The following KMT2C variants were observed in gnomAD, a reference collection of about 807,000 sequenced individuals.
KMT2C encodes the protein lysine methyltransferase 2C, also known as histone-lysine N-methyltransferase 2C.
In KMT2C, 88 loss-of-function variants were observed where a neutral mutation model predicts 507.9. The observed-to-expected ratio is 0.17, with a 90% CI of 0.15 to 0.21. KMT2C has a LOEUF of 0.21. Among genes scored for constraint, KMT2C ranks in the 10% least tolerant of loss-of-function variants. KMT2C has a pLI of 1.00. For synonymous variants in KMT2C, 2,049 were observed against 2,080.8 expected (o/e 0.98, Z 0.42); for missense variants, 4,954 against 5,957.8 (o/e 0.83, Z 5.55).
At chr7:152,223,352 G>A (rs2094832209) in intron 20 of KMT2C, among the ~76,000 whole-genome samples, 1 of 151,890 alleles carries the variant, frequency 6.6e-6, no homozygotes, top group African/African-American at 2.4e-5. Context: ...AAGAAAAAGT[G>A]GTTTAAGGAG....
At chr7:152,155,863 A>T (rs987153976) in intron 46 of KMT2C, 47 bp downstream of exon 46, 22 of 1,534,392 alleles carry the variant, frequency 1.4e-5, no homozygotes, top group African/African-American at 5.7e-5. Context: ...TATTTTTTTT[A>T]AAAGAAGAAA....
intron 1 of KMT2C, among the ~76,000 whole-genome samples, chr7:152,420,960 G>A (rs2097773938): frequency 6.6e-6 from 1 of 151,612 alleles, no homozygotes; most frequent in Non-Finnish European, 1.5e-5. Context: ...ATGGCACCTT[G>A]TATACATATG....
chr7:152,367,967 G>C, intron 1 of KMT2C: 1 of 920,102 alleles, frequency 1.1e-6, no homozygotes, highest in Admixed American at 2.0e-5. Flanking sequence ...AATGCCAACA[G>C]TTTAAAAAAC....
At position 152,176,247 on chromosome 7, in the gene KMT2C, T is replaced by C; in HGVS notation, c.9206A>G (p.Gln3069Arg). Residue 3069 changes from glutamine to arginine, a missense_variant, in exon 38 of 59, where the codon CAA (glutamine) becomes CGA (arginine). Gln to Arg is a conservative substitution (Grantham distance 43, BLOSUM62 1). Coordinates refer to ENST00000262189, the MANE Select transcript of KMT2C (RefSeq NM_170606.3). ...LDQERQEQQQ[Q>R]RQMQAMIRQR... is the part of the protein sequence containing the mutation. ...ACGAATCATGGCTTGCATCTGTCTT[T>C]GCTGCTGCTGTTCTTGCCTTTCTTG... The C allele has an allele frequency of 6.2e-7, 1 of 1,613,972 alleles. No individual in the cohort carries two copies. The highest frequency in any genetic ancestry group is 8.5e-7 in the Non-Finnish European group (1 of 1,179,916).
chr7:152,146,690 T>G lies in KMT2C; in HGVS notation c.13940A>C (p.Lys4647Thr). ...TGGGAAAAGCTGGAGCATTTCAGAC[T>G]TTTTTCTCACACATGCCACAGGCTC... ...ILEPVACVRK[K>T]SEMLQLFPAY... Residue 4647 changes from lysine to threonine, a missense_variant, in exon 53 of 59, where the codon AAG (lysine) becomes ACG (threonine). Coordinates refer to ENST00000262189, the MANE Select transcript of KMT2C (RefSeq NM_170606.3). 2.5e-6 allele frequency: 4 copies of G among 1,614,064 alleles called. No homozygotes were observed. Among genetic ancestry groups the G allele is most frequent in the Middle Eastern group, 1.6e-4 (1 of 6,062 alleles).
chr7:152,372,567 A>G (rs935646901), intron 1 of KMT2C, among the ~76,000 whole-genome samples: 5 of 152,320 alleles, frequency 3.3e-5, no homozygotes, highest in African/African-American at 1.2e-4. Context: ...TTCCACACAC[A>G]TGTTAACCAA....
At chr7:152,140,744 AAGCACATCCGGG>A (rs1031970604) in intron 55 of KMT2C, among the ~76,000 whole-genome samples, 2 of 152,182 alleles carry the variant, frequency 1.3e-5, no homozygotes, top group Admixed American at 6.5e-5. Context: ...CATCCTCATG[AAGCACATCCGGG>A]AGCACATGGT....
chr7:152,435,032 G>A (rs1261413106), intron 1 of KMT2C, among the ~76,000 whole-genome samples: 1 of 152,150 alleles, frequency 6.6e-6, no homozygotes, highest in Non-Finnish European at 1.5e-5. Context: ...GGGGGAGGAA[G>A]AAGTCAAATG....
intron 2 of KMT2C, among the ~76,000 whole-genome samples, chr7:152,347,028 G>A (rs2097066421): frequency 6.6e-6 from 1 of 152,326 alleles, no homozygotes; most frequent in South Asian, 2.1e-4. Flanking sequence ...GGAGGCTGAG[G>A]CAGGAGAATC....
rs1353129618 is a variant in KMT2C at position 152,138,826 on chromosome 7, G to A, written c.14613C>T (p.Ser4871=). 6.2e-7 allele frequency: 1 copy of A among 1,610,450 alleles called. No homozygotes were observed. Among genetic ancestry groups the A allele is most frequent in the South Asian group, 1.1e-5 (1 of 90,154 alleles). ...CTCCTTTCTGGATTCTCCGACTGGA[G>A]CTGATGATAATTTTGTGTCCTCTCT... ...TFERGHKIII[S]SSRRIQKGEE... Residue 4871 remains serine (S), a synonymous_variant, in exon 58 of 59, where the codon AGC becomes AGT. Coordinates refer to ENST00000262189, the MANE Select transcript of KMT2C (RefSeq NM_170606.3). The surrounding 1 kb of genome is among the most constrained non-coding windows in gnomAD (Gnocchi z 4.2).
chr7:152,345,497 GAC>G (rs1174528242), intron 2 of KMT2C, among the ~76,000 whole-genome samples: 1 of 152,154 alleles, frequency 6.6e-6, no homozygotes, highest in Non-Finnish European at 1.5e-5. Context: ...CCAATTAAAA[GAC>G]AGAAATTGTT....
At chr7:152,376,443 T>A (rs1384061861) in intron 1 of KMT2C, among the ~76,000 whole-genome samples, 1 of 152,218 alleles carries the variant, frequency 6.6e-6, no homozygotes, top group East Asian at 1.9e-4. Flanking sequence ...CAGCCAATTG[T>A]GAATGTAAAT....
chr7:152,423,756 C>T (rs2097793335), intron 1 of KMT2C, among the ~76,000 whole-genome samples: 1 of 152,078 alleles, frequency 6.6e-6, no homozygotes, highest in Admixed American at 6.6e-5. Context: ...ACTGATATAC[C>T]CGGCTGTTAA....
chr7:152,357,542 CA>C (rs1258436531), intron 2 of KMT2C, among the ~76,000 whole-genome samples: 3 of 151,760 alleles, frequency 2.0e-5, no homozygotes, highest in African/African-American at 7.3e-5. Flanking sequence ...TAAAAACAAA[CA>C]AACAAACAAA....
intron 1 of KMT2C, among the ~76,000 whole-genome samples, chr7:152,430,124 G>C (rs1308399950): frequency 6.6e-6 from 1 of 150,608 alleles, no homozygotes; most frequent in East Asian, 2.0e-4. Context: ...GCCACAGTGA[G>C]CCAGGATCAC....
chr7:152,248,995 C>A (rs1449421160), intron 13 of KMT2C, among the ~76,000 whole-genome samples: 1 of 152,090 alleles, frequency 6.6e-6, no homozygotes, highest in African/African-American at 2.4e-5. Flanking sequence ...AGTAGATACC[C>A]AGATGTAACA....
At chr7:152,228,647 T>C (rs1211212623) in intron 18 of KMT2C, among the ~76,000 whole-genome samples, 1 of 152,166 alleles carries the variant, frequency 6.6e-6, no homozygotes, top group East Asian at 1.9e-4. Flanking sequence ...TCGGTAATTG[T>C]TGGATGGGTT....
chr7:152,346,220 C>T (rs1236920033), intron 2 of KMT2C, among the ~76,000 whole-genome samples: 6 of 152,160 alleles, frequency 3.9e-5, no homozygotes, highest in African/African-American at 1.2e-4. Flanking sequence ...TTGAATCTGA[C>T]ACCGTTAATC....
rs145760119 is a variant in KMT2C, at chr7:152,311,751, A to G, written c.739+47T>C. On this transcript the variant is annotated intron_variant, in intron 5 of 58. Transcript: ENST00000262189. ...ACATTAATAATGTATTAAAATTAAAATGCTTCCAGAATTAAGAGGCAGTCA... is the reference window on the plus strand; with the variant it reads ...ACATTAATAATGTATTAAAATTAAAGTGCTTCCAGAATTAAGAGGCAGTCA... 162 of 1,429,868 alleles carry G rather than the reference A, an allele frequency of 1.1e-4. No individual in the cohort carries two copies. The African/African-American group carries it at 1.8e-3, about 16-fold the overall frequency. 88.6% of individuals were successfully genotyped at this position (1,429,868 alleles called of 1,614,324 possible).
Sources: allele counts gnomAD v4.1 joint callset (sites outside exome capture counted in the v4.1 genomes callset), GRCh38; gene constraint gnomAD v4.1.1; non-coding constraint Gnocchi (gnomAD v3.1); transcripts MANE v1.5; gene names NCBI Gene and HGNC (gene_info 2026-07-23, HGNC 2026-07-21).